Variants in TCF20 observed in about 807,000 individuals in gnomAD.
TCF20 encodes SPRE-binding protein.
In TCF20, 3 loss-of-function variants were observed where a neutral mutation model predicts 148.6. That is an observed-to-expected ratio of 0.02 (90% CI 0.01 to 0.05). The LOEUF (loss-of-function observed/expected upper bound fraction) is 0.05, where lower values mean the gene tolerates loss of function less well. Among genes scored for constraint, TCF20 ranks in the 10% least tolerant of loss-of-function variants. The pLI, the probability that TCF20 is intolerant of heterozygous loss-of-function variation, is 1.00. For missense variants in TCF20, 2,350 were observed against 2,429.3 expected (o/e 0.97, Z 0.69); for synonymous variants, 1,049 against 909.5 (o/e 1.15, Z -2.76).
chr22:42,236,253 A>G (rs1012702159), intron 1 of TCF20, among the ~76,000 whole-genome samples: 1 of 152,198 alleles, frequency 6.6e-6, no homozygotes, highest in African/African-American at 2.4e-5. Context: ...GTTATCAAAC[A>G]AACAAAATAA....
chr22:42,163,607 A>T (rs1019038014), intron 5 of TCF20, among the ~76,000 whole-genome samples: 1 of 152,232 alleles, frequency 6.6e-6, no homozygotes, highest in Admixed American at 6.5e-5. Context: ...CGACACATGT[A>T]GCCCAAAGCG....
chr22:42,297,793 T>C lies in TCF20; in HGVS notation c.-37+45686A>G, dbSNP rs1320941087. 2.6e-5 allele frequency among the ~76,000 whole-genome samples: 4 copies of C among 152,048 alleles called. No homozygotes were observed. Among genetic ancestry groups the C allele is most frequent in the Non-Finnish European group, 5.9e-5 (4 of 67,992 alleles). On this transcript the variant is annotated intron_variant, in intron 1 of 1. Coordinates refer to the TCF20 transcript ENST00000515426. The surrounding 1 kb of genome is among the most constrained non-coding windows in gnomAD (Gnocchi z 4.3). ...GCATCCCCCCACCAGCTGGGGCCCCTGTCAGGCAGGGCCCAGCATTCCTGG... is the reference window on the plus strand; with the variant it reads ...GCATCCCCCCACCAGCTGGGGCCCCCGTCAGGCAGGGCCCAGCATTCCTGG...
At chr22:42,270,126 G>C (rs976524897) in intron 1 of TCF20, 6 of 151,702 alleles carry the variant, frequency 4.0e-5, no homozygotes, top group African/African-American at 1.2e-4. Flanking sequence ...GCCAGGCCTG[G>C]CCCGGGCCCC....
chr22:42,238,966 A>T (rs1483171578), intron 1 of TCF20, among the ~76,000 whole-genome samples: 1 of 151,544 alleles, frequency 6.6e-6, no homozygotes, highest in African/African-American at 2.4e-5. Flanking sequence ...AAATACAAAA[A>T]AATTAGCCAG....
intron 1 of TCF20, among the ~76,000 whole-genome samples, chr22:42,215,782 C>A (rs116943841): frequency 0.018 from 2,784 of 152,142 alleles, 58 homozygotes; most frequent in Admixed American, 0.063. Context: ...TGAATTTCAT[C>A]TTTTATATTT....
chr22:42,203,743 CAG>C (rs1170041665), intron 2 of TCF20, among the ~76,000 whole-genome samples: 1 of 151,934 alleles, frequency 6.6e-6, no homozygotes, highest in East Asian at 1.9e-4. Flanking sequence ...AAGTGCTTGC[CAG>C]AGAGAGGGGG....
At chr22:42,247,005 A>G (rs1346252260) in intron 1 of TCF20, among the ~76,000 whole-genome samples, 1 of 151,464 alleles carries the variant, frequency 6.6e-6, no homozygotes, top group Admixed American at 6.6e-5. Context: ...AAAGAAAGGT[A>G]TAATAAAAAG....
chr22:42,201,326 T>C (rs1178712096), intron 2 of TCF20, among the ~76,000 whole-genome samples: 1 of 152,194 alleles, frequency 6.6e-6, no homozygotes, highest in African/African-American at 2.4e-5. Context: ...GTTCACATAT[T>C]CTCAGTATAT....
intron 1 of TCF20, among the ~76,000 whole-genome samples, chr22:42,310,189 C>T (rs568821833): frequency 6.6e-6 from 1 of 152,212 alleles, no homozygotes; most frequent in Non-Finnish European, 1.5e-5. Context: ...TAACTGCCTG[C>T]CACACTGAGG....
chr22:42,338,794 C>T lies in TCF20; in HGVS notation c.-37+4685G>A, dbSNP rs189706507. Among the ~76,000 whole-genome samples, 9 of 152,328 alleles carry T rather than the reference C, an allele frequency of 5.9e-5. 1 individual carries two copies. In the East Asian group the frequency reaches 1.7e-3, roughly 29 times the overall value. ...TCTTAATATATCAAAGTCCAGATGA[C>T]AGTTTATTTCAACACATCTCGTATT... On this transcript the variant is annotated intron_variant, in intron 1 of 1. Transcript: ENST00000515426. This position sits in a 1 kb window ranked among gnomAD's most constrained non-coding sequence, Gnocchi z 4.0.
intron 1 of TCF20, among the ~76,000 whole-genome samples, chr22:42,281,252 CAGCACAAGGCAGCCTGAG>C (rs1408982244): frequency 5.3e-5 from 8 of 152,198 alleles, no homozygotes; most frequent in Non-Finnish European, 1.2e-4. Flanking sequence ...CTGGGAATCC[CAGCACAAGGCAGCCTGAG>C]AGAGGCTGGC....
chr22:42,334,627 G>A (rs1242206408), intron 1 of TCF20, among the ~76,000 whole-genome samples: 1 of 152,260 alleles, frequency 6.6e-6, no homozygotes, highest in Admixed American at 6.5e-5. Context: ...GAACAACAGT[G>A]TGGCAGACAC....
chr22:42,329,828 G>A, intron 1 of TCF20, among the ~76,000 whole-genome samples: 1 of 151,780 alleles, frequency 6.6e-6, no homozygotes, highest in Non-Finnish European at 1.5e-5. Flanking sequence ...CTGCCTGCCT[G>A]CCCCATCCCC....
intron 2 of TCF20, among the ~76,000 whole-genome samples, chr22:42,204,164 A>C (rs1177739158): frequency 6.6e-6 from 1 of 152,214 alleles, no homozygotes; most frequent in Non-Finnish European, 1.5e-5. Flanking sequence ...TGGGGGAAGT[A>C]AATAATTATC....
intron 1 of TCF20, among the ~76,000 whole-genome samples, chr22:42,221,991 G>C (rs1922419181): frequency 2.0e-5 from 3 of 151,980 alleles, no homozygotes; most frequent in Non-Finnish European, 4.4e-5. Flanking sequence ...GCCCGCCTCA[G>C]CCTCCCAAAG....
rs756109320 is a variant in TCF20, at chr22:42,213,602, G to A, written c.1704C>T (p.Pro568=). 3.1e-6 allele frequency: 5 copies of A among 1,613,978 alleles called. No individual in the cohort carries two copies. In the African/African-American group the frequency reaches 5.3e-5, roughly 17 times the overall value. Residue 568 remains proline, a synonymous_variant, in exon 2 of 6, where the codon CCC becomes CCT. Coordinates refer to ENST00000677622, the MANE Select transcript of TCF20 (RefSeq NM_001378418.1). ...SSPAQGAQNE[P]PRLNASPAAR... is the part of the protein sequence containing the mutation. ...CGGCAGGACTAGCATTGAGTCTGGG[G>A]GGTTCATTCTGAGCACCTTGTGCCG... is the stretch of plus-strand genomic sequence containing the variant.
intron 1 of TCF20, among the ~76,000 whole-genome samples, chr22:42,342,257 C>T (rs760119137): frequency 2.6e-5 from 4 of 152,222 alleles, no homozygotes; most frequent in East Asian, 3.9e-4. Context: ...GGGGCCGGTA[C>T]GTCCAGGGCA....
In TCF20 at chr22:42,209,983, T is replaced by TCTGCTG; in HGVS notation, c.5317_5322dup (p.Gln1773_Gln1774dup). On this transcript the variant is annotated inframe_insertion, in exon 2 of 6. Transcript: ENST00000677622. Reference sequence around the variant, plus strand: ...TGTGCGGCCAGGCTTCTCTGCTCCTTCTGCTGCTGCTGCTGCTCTTCCTCC... The same window carrying TCTGCTG: ...TGTGCGGCCAGGCTTCTCTGCTCCTTCTGCTGCTGCTGCTGCTGCTGCTCTTCCTCC... The TCTGCTG allele has an allele frequency of 3.1e-6, 5 of 1,613,418 alleles. No individual in the cohort carries two copies. The highest frequency in any genetic ancestry group is 2.2e-5 in the East Asian group (1 of 44,880).
At chr22:42,208,389 G>C (rs1381177006) in intron 2 of TCF20, among the ~76,000 whole-genome samples, 4 of 152,158 alleles carry the variant, frequency 2.6e-5, no homozygotes, top group Non-Finnish European at 5.9e-5. Context: ...TACTTTAGAA[G>C]ACCGAAGTGG....
Sources: allele counts gnomAD v4.1 joint callset (sites outside exome capture counted in the v4.1 genomes callset), GRCh38; gene constraint gnomAD v4.1.1; non-coding constraint Gnocchi (gnomAD v3.1); transcripts MANE v1.5; gene names NCBI Gene and HGNC (gene_info 2026-07-23, HGNC 2026-07-21).